ZNF652: variants seen among roughly 807,000 people sequenced by gnomAD.
ZNF652 encodes zinc finger protein 652.
Under a neutral mutation model 45.2 loss-of-function variants are expected in ZNF652, and 16 were observed. The ratio of observed to expected loss-of-function variants is 0.35; its 90% CI spans 0.24 to 0.54. The LOEUF (loss-of-function observed/expected upper bound fraction) is 0.54, where lower values mean the gene tolerates loss of function less well. Ranked by LOEUF, ZNF652 falls within the 20% of genes least tolerant of loss-of-function variation. The pLI is 0.91. For synonymous variants in ZNF652, 250 were observed against 260.6 expected (o/e 0.96, Z 0.39); for missense variants, 614 against 765.6 (o/e 0.80, Z 2.34).
intron 1 of ZNF652, among the ~76,000 whole-genome samples, chr17:49,357,434 T>C (rs1254335790): frequency 1.3e-5 from 2 of 152,186 alleles, no homozygotes; most frequent in African/African-American, 2.4e-5. Context: ...ACACTCTACT[T>C]TTCTTTCCTT....
chr17:49,343,631 G>C lies in ZNF652; in HGVS notation c.-259+18278C>G, dbSNP rs368634536. Among the ~76,000 whole-genome samples the C allele has an allele frequency of 2.0e-5, 3 of 151,260 alleles. No individual in the cohort carries two copies. In the East Asian group the frequency reaches 5.8e-4, roughly 29 times the overall value. On this transcript the variant is annotated intron_variant, in intron 1 of 5. Coordinates refer to ENST00000430262, the MANE Select transcript of ZNF652 (RefSeq NM_001145365.3). ...AAACCTTAATAAACGTTTTGTTTTTGCTTGCTTGCCTTTAAAAAAAAATAA... is the reference window on the plus strand; with the variant it reads ...AAACCTTAATAAACGTTTTGTTTTTCCTTGCTTGCCTTTAAAAAAAAATAA...
At position 49,348,349 on chromosome 17, in the gene ZNF652, C is replaced by A. The variant is rs186788980; in HGVS notation, c.-259+13560G>T. On this transcript the variant is annotated intron_variant, in intron 1 of 5. Transcript: ENST00000430262. Reference sequence around the variant, plus strand: ...TCTACAAAAAAAATTTAGCTGGACACAGTGGTGTGTGTGTGCCTCCCAGCT... The same window carrying A: ...TCTACAAAAAAAATTTAGCTGGACAAAGTGGTGTGTGTGTGCCTCCCAGCT... 1.6e-3 allele frequency among the ~76,000 whole-genome samples: 247 copies of A among 151,652 alleles called. 1 individual carries two copies. The highest frequency in any genetic ancestry group is 5.6e-3 in the African/African-American group (232 of 41,336).
At chr17:49,304,898 A>G (rs535486833) in intron 5 of ZNF652, among the ~76,000 whole-genome samples, 9 of 151,270 alleles carry the variant, frequency 5.9e-5, no homozygotes, top group Non-Finnish European at 8.8e-5. Context: ...ATATATATAC[A>G]CACACACATA....
chr17:49,317,320 C>G lies in ZNF652; in HGVS notation c.406G>C (p.Gly136Arg), dbSNP rs762462434. The G allele has an allele frequency of 3.7e-6, 6 of 1,613,194 alleles. No homozygotes were observed. In the East Asian group the frequency reaches 6.7e-5, roughly 18 times the overall value. ...GTCTCTTTGGACTGAGAAGAGACAC[C>G]CTTTTCCCCTTTAGATACATTTAAT... Reference protein sequence around the residue: ...QTLNVSKGEKGVSSQSKETPV... With the variant: ...QTLNVSKGEKRVSSQSKETPV... The change falls in exon 2 of 6, where the codon GGT (glycine) becomes CGT (arginine). Residue 136 changes from glycine (G) to arginine (R), a missense_variant. Coordinates refer to ENST00000430262, the MANE Select transcript of ZNF652 (RefSeq NM_001145365.3).
chr17:49,297,142 C>T lies in ZNF652; in HGVS notation c.*1271G>A, dbSNP rs2069487385. ...ATAATAGATATTTCAAAATTCATAACCAATTTGTCTTCTCATCTGAATTTC... is the reference window on the plus strand; with the variant it reads ...ATAATAGATATTTCAAAATTCATAATCAATTTGTCTTCTCATCTGAATTTC... On this transcript the variant is annotated 3_prime_UTR_variant, in exon 6 of 6. Coordinates refer to ENST00000430262, the MANE Select transcript of ZNF652 (RefSeq NM_001145365.3). The T allele has an allele frequency of 6.6e-6, 1 of 152,152 alleles. No homozygotes were observed. The highest frequency in any genetic ancestry group is 2.1e-4 in the South Asian group (1 of 4,830). The allele number at this position is 152,152 out of a possible 1,614,324, so 9.4% of individuals were successfully genotyped here.
intron 1 of ZNF652, among the ~76,000 whole-genome samples, chr17:49,350,753 TGAGGTCAGGA>T (rs2143092766): frequency 6.6e-6 from 1 of 151,494 alleles, no homozygotes; most frequent in East Asian, 1.9e-4. Context: ...GCGAATCACC[TGAGGTCAGGA>T]GTTCAAGACC....
chr17:49,354,516 C>A (rs920360745), intron 1 of ZNF652, among the ~76,000 whole-genome samples: 3 of 150,576 alleles, frequency 2.0e-5, no homozygotes, highest in Non-Finnish European at 4.4e-5. Context: ...GAGGCCAAGG[C>A]AGGAGAATCA....
At chr17:49,306,556 G>C (rs371439596) in intron 5 of ZNF652, among the ~76,000 whole-genome samples, 1 of 152,106 alleles carries the variant, frequency 6.6e-6, no homozygotes, top group East Asian at 1.9e-4. Flanking sequence ...CAAAGTGCTG[G>C]GATTACAGAC....
rs751888888 is a variant in ZNF652, at chr17:49,298,495, T to C, written c.1739A>G (p.Glu580Gly). 6.2e-7 allele frequency: 1 copy of C among 1,613,170 alleles called. No individual in the cohort carries two copies. The highest frequency in any genetic ancestry group is 1.1e-5 in the South Asian group (1 of 91,028). ...LPPPPALFKSEPLNHRGQSED... is the reference protein window; with the variant it reads ...LPPPPALFKSGPLNHRGQSED... ...ACTCTGGCCTCTATGATTTAAAGGCTCACTCTTAAAGAGAGCTGGAGGTGG... is the reference window on the plus strand; with the variant it reads ...ACTCTGGCCTCTATGATTTAAAGGCCCACTCTTAAAGAGAGCTGGAGGTGG... The change falls in exon 6 of 6, where the codon GAG (glutamate) becomes GGG (glycine). Residue 580 changes from glutamate to glycine, a missense_variant. Coordinates refer to ENST00000430262, the MANE Select transcript of ZNF652 (RefSeq NM_001145365.3).
chr17:49,310,653 G>A (rs1015143032), intron 5 of ZNF652, among the ~76,000 whole-genome samples: 3 of 152,220 alleles, frequency 2.0e-5, no homozygotes, highest in Admixed American at 2.0e-4. Context: ...TGTAATCCCA[G>A]CACTTTGGGA....
At chr17:49,311,035 A>G (rs1305538325) in intron 5 of ZNF652, among the ~76,000 whole-genome samples, 1 of 152,202 alleles carries the variant, frequency 6.6e-6, no homozygotes, top group Non-Finnish European at 1.5e-5. Flanking sequence ...GTTTCATACA[A>G]TTTCAGGAGT....
intron 1 of ZNF652, among the ~76,000 whole-genome samples, chr17:49,328,408 T>C (rs2069989493): frequency 1.3e-5 from 2 of 152,160 alleles, no homozygotes; most frequent in South Asian, 2.1e-4. Context: ...CTTGGAATGC[T>C]GATATGGTTT....
chr17:49,333,825 A>G (rs1244123655), intron 1 of ZNF652, among the ~76,000 whole-genome samples: 4 of 152,112 alleles, frequency 2.6e-5, no homozygotes, highest in Non-Finnish European at 5.9e-5. Context: ...CAAAATCTCA[A>G]TGAGATACCA....
At chr17:49,318,895 A>G (rs895904161) in intron 1 of ZNF652, among the ~76,000 whole-genome samples, 1 of 152,232 alleles carries the variant, frequency 6.6e-6, no homozygotes, top group South Asian at 2.1e-4. Context: ...AGGTTTAAAT[A>G]TAATTGTTTT....
chr17:49,288,632 CTG>C (rs1340377239), downstream of ZNF652, among the ~76,000 whole-genome samples: 2 of 152,176 alleles, frequency 1.3e-5, no homozygotes, highest in Non-Finnish European at 1.5e-5. Context: ...AAAGCAGGGT[CTG>C]TGAGAGTAGA....
chr17:49,354,467 T>C (rs1473176925), intron 1 of ZNF652, among the ~76,000 whole-genome samples: 1 of 151,916 alleles, frequency 6.6e-6, no homozygotes, highest in African/African-American at 2.4e-5. Flanking sequence ...AAATAACTTA[T>C]TTTTAAAAAG....
chr17:49,361,446 T>C (rs990931142), intron 1 of ZNF652, among the ~76,000 whole-genome samples: 7 of 152,228 alleles, frequency 4.6e-5, no homozygotes, highest in Non-Finnish European at 1.0e-4. Context: ...ACGCATTTTA[T>C]CTACTGGCGG....
chr17:49,352,364 G>A (rs529031002), intron 1 of ZNF652, among the ~76,000 whole-genome samples: 1 of 151,984 alleles, frequency 6.6e-6, no homozygotes, highest in Non-Finnish European at 1.5e-5. Flanking sequence ...TATTATATGA[G>A]AGATGAGGAA....
chr17:49,347,496 T>G (rs896349987), intron 1 of ZNF652, among the ~76,000 whole-genome samples: 9 of 151,766 alleles, frequency 5.9e-5, no homozygotes, highest in Non-Finnish European at 1.0e-4. Context: ...GCCTGGGAGG[T>G]AGAGGCTGCA....
Sources: allele counts gnomAD v4.1 joint callset (sites outside exome capture counted in the v4.1 genomes callset), GRCh38; gene constraint gnomAD v4.1.1; transcripts MANE v1.5; gene names NCBI Gene and HGNC (gene_info 2026-07-23, HGNC 2026-07-21).